STIM1: variants seen among roughly 807,000 people sequenced by gnomAD.
STIM1 encodes stromal interaction molecule 1.
STIM1 carries 25 observed loss-of-function variants against 74.7 expected under a neutral mutation model. The ratio of observed to expected loss-of-function variants is 0.33; its 90% confidence interval spans 0.24 to 0.47. STIM1 has a LOEUF of 0.47. Ranked by LOEUF, STIM1 falls within the 20% of genes least tolerant of loss-of-function variation. STIM1 has a pLI of 1.00. For synonymous variants in STIM1, 328 were observed against 348.8 expected (o/e 0.94, Z 0.66); for missense variants, 728 against 920.8 (o/e 0.79, Z 2.71).
At chr11:3,900,329 C>T (rs1194633085) in intron 1 of STIM1, among the ~76,000 whole-genome samples, 1 of 152,170 alleles carries the variant, frequency 6.6e-6, no homozygotes, top group African/African-American at 2.4e-5. Context: ...TTTCCAGGTG[C>T]CGTCTGTCGT....
intron 2 of STIM1, among the ~76,000 whole-genome samples, chr11:3,976,571 A>G (rs1258276366): frequency 6.6e-6 from 1 of 152,216 alleles, no homozygotes; most frequent in East Asian, 1.9e-4. Context: ...TTCCCAGCAT[A>G]GTACCTGACA....
chr11:4,025,767 C>G (rs917764557), intron 3 of STIM1, among the ~76,000 whole-genome samples: 1 of 152,110 alleles, frequency 6.6e-6, no homozygotes, highest in Admixed American at 6.5e-5. Flanking sequence ...CTGGCAAGGA[C>G]TTTATTTTTG....
At position 3,892,766 on chromosome 11, in the gene STIM1, G is replaced by A. The variant is rs555349015; in HGVS notation, c.139+36357G>A. The A allele has an allele frequency of 5.0e-6, 8 of 1,613,230 alleles. No individual in the cohort carries two copies. The South Asian group carries it at 7.7e-5, about 16-fold the overall frequency. On this transcript the variant is annotated intron_variant, in intron 1 of 12. Transcript: ENST00000526596. ...CTTATAACCAAATCCTTTCTCTCCA[G>A]TGCTCAGAGCACGAAAGTTTTCTGC...
intron 3 of STIM1, among the ~76,000 whole-genome samples, chr11:4,047,801 C>T (rs2094205290): frequency 6.7e-6 from 1 of 149,932 alleles, no homozygotes; most frequent in South Asian, 2.1e-4. Context: ...GCCTCGGTGG[C>T]AGAGCAAGAC....
At chr11:3,925,989 A>G (rs983598811) in intron 1 of STIM1, among the ~76,000 whole-genome samples, 7 of 152,310 alleles carry the variant, frequency 4.6e-5, no homozygotes. Context: ...TGAACCAATT[A>G]GATTGTTTTC....
intron 2 of STIM1, among the ~76,000 whole-genome samples, chr11:4,010,525 A>G (rs906985100): frequency 6.6e-6 from 1 of 152,148 alleles, no homozygotes; most frequent in African/African-American, 2.4e-5. Flanking sequence ...TGTGCAGGCC[A>G]GTAAAAGACA....
chr11:3,900,523 C>T (rs1436243222), intron 1 of STIM1, among the ~76,000 whole-genome samples: 1 of 152,230 alleles, frequency 6.6e-6, no homozygotes, highest in Non-Finnish European at 1.5e-5. Context: ...CCATCTTCTG[C>T]AGCGCTCATG....
At chr11:3,946,066 T>C (rs1444863829) in intron 1 of STIM1, among the ~76,000 whole-genome samples, 2 of 152,154 alleles carry the variant, frequency 1.3e-5, no homozygotes, top group African/African-American at 4.8e-5. Context: ...ACCTCCGGCA[T>C]AGGTGAGTAC....
intron 3 of STIM1, among the ~76,000 whole-genome samples, chr11:4,030,515 A>G (rs2094041045): frequency 6.6e-6 from 1 of 152,070 alleles, no homozygotes; most frequent in Admixed American, 6.6e-5. Flanking sequence ...TATGTTTAGT[A>G]TTTTCTTTTA....
chr11:3,997,825 G>T (rs767315065), intron 2 of STIM1, among the ~76,000 whole-genome samples: 3 of 152,166 alleles, frequency 2.0e-5, no homozygotes, highest in Non-Finnish European at 4.4e-5. Flanking sequence ...GTAAAGTTTT[G>T]ATTTTAAATG....
intron 3 of STIM1, among the ~76,000 whole-genome samples, chr11:4,038,735 C>T (rs1590666118): frequency 6.6e-6 from 1 of 152,106 alleles, no homozygotes; most frequent in South Asian, 2.1e-4. Context: ...TTGCTTGGGC[C>T]GTTGTTCTTC....
At chr11:3,907,890 C>G (rs1379123169) in intron 1 of STIM1, among the ~76,000 whole-genome samples, 1 of 152,242 alleles carries the variant, frequency 6.6e-6, no homozygotes, top group Non-Finnish European at 1.5e-5. Context: ...CTCTAACTTT[C>G]TGCATGGCTC....
At chr11:3,969,475 C>T (rs1234025055) in intron 2 of STIM1, among the ~76,000 whole-genome samples, 1 of 152,178 alleles carries the variant, frequency 6.6e-6, no homozygotes, top group Non-Finnish European at 1.5e-5. Context: ...GAGCAAGACC[C>T]TGTCTCTAAA....
intron 2 of STIM1, among the ~76,000 whole-genome samples, chr11:3,984,497 C>G (rs1204854724): frequency 6.6e-6 from 1 of 152,162 alleles, no homozygotes; most frequent in African/African-American, 2.4e-5. Flanking sequence ...ATGTCCTGTT[C>G]CCATTCTTCC....
At chr11:3,961,911 A>G (rs2093290222) in intron 1 of STIM1, among the ~76,000 whole-genome samples, 1 of 152,174 alleles carries the variant, frequency 6.6e-6, no homozygotes, top group Non-Finnish European at 1.5e-5. Flanking sequence ...TGGTATCATG[A>G]CCTAACATTT....
chr11:4,070,340 C>T, intron 6 of STIM1, 137 bp downstream of exon 6: 1 of 964,748 alleles, frequency 1.0e-6, no homozygotes, highest in Non-Finnish European at 1.6e-6. Flanking sequence ...TCCAAAACTG[C>T]ATTGCAAGTT....
intron 1 of STIM1, among the ~76,000 whole-genome samples, chr11:3,869,062 G>A (rs779701190): frequency 1.3e-5 from 2 of 151,894 alleles, no homozygotes; most frequent in Non-Finnish European, 2.9e-5. Context: ...CCTGCCTCCC[G>A]GGTTCATGCC....
intron 6 of STIM1, among the ~76,000 whole-genome samples, chr11:4,072,684 A>G (rs1590690380): frequency 6.6e-6 from 1 of 152,252 alleles, no homozygotes; most frequent in East Asian, 1.9e-4. Context: ...TATAAAGGAC[A>G]GACATATCAT....
At chr11:4,086,964 T>A (rs2094497664) in intron 12 of STIM1, 1 of 1,410,872 alleles carries the variant, frequency 7.1e-7, no homozygotes. Context: ...TGGGGGTGTG[T>A]GCAGTGGGGA....
Sources: allele counts gnomAD v4.1 joint callset (sites outside exome capture counted in the v4.1 genomes callset), GRCh38; gene constraint gnomAD v4.1.1; transcripts MANE v1.5; gene names NCBI Gene and HGNC (gene_info 2026-07-23, HGNC 2026-07-21).